Variants in PIDD1 observed in about 807,000 individuals in gnomAD.
PIDD1 encodes the protein p53-induced death domain protein 1, also known as p53-induced death domain-containing protein 1.
In PIDD1, 72 loss-of-function variants were observed where a neutral mutation model predicts 80.0. The ratio of observed to expected loss-of-function variants is 0.90; its 90% CI spans 0.74 to 1.09. PIDD1 has a LOEUF of 1.09. Ranked by LOEUF, PIDD1 falls within the 50% of genes least tolerant of loss-of-function variation. PIDD1 has a pLI of 0.00. For synonymous variants in PIDD1, 655 were observed against 543.5 expected (o/e 1.21, Z -2.85); for missense variants, 1,329 against 1,228.3 (o/e 1.08, Z -1.23).
Position 802,294 on chromosome 11 carries a change from C to T in PIDD1, c.1077G>A (p.Arg359=), listed in dbSNP as rs1865418867. 2 of 1,612,040 alleles carry T rather than the reference C, an allele frequency of 1.2e-6. No homozygotes were observed. Among genetic ancestry groups the T allele is most frequent in the Non-Finnish European group, 1.7e-6 (2 of 1,179,774 alleles). ...ATATPITIRY[R]LLLPEPGLVP... is the part of the protein sequence containing the mutation. ...CGAGGCCTGGCTCCGGCAGCAGCAGCCGATAGCGGATGGTGATGGGGGTGG... is the reference window on the plus strand; with the variant it reads ...CGAGGCCTGGCTCCGGCAGCAGCAGTCGATAGCGGATGGTGATGGGGGTGG... The change falls in exon 6 of 16, where the codon CGG becomes CGA. Residue 359 remains arginine (R), a synonymous_variant. Transcript: ENST00000347755.
chr11:805,617 C>G, upstream of PIDD1: 2 of 985,382 alleles, frequency 2.0e-6, no homozygotes, highest in African/African-American at 3.5e-5. Flanking sequence ...CGCACCCACC[C>G]CTGCTACAAG....
rs979272510 is a variant in PIDD1, at chr11:805,211, C to G, written c.-108G>C. On this transcript the variant is annotated 5_prime_UTR_variant, in exon 1 of 16. Transcript: ENST00000347755. ...GCAGGCGGCGCGCAAAGGGTGGCTG[C>G]TCAGCGGGCGCTCGGCGCCTGGGAT... 10 of 983,452 alleles carry G rather than the reference C, an allele frequency of 1.0e-5. No individual in the cohort carries two copies. The South Asian group carries it at 3.8e-4, about 37-fold the overall frequency. 60.9% of individuals were successfully genotyped at this position (983,452 alleles called of 1,614,324 possible). A position where few individuals can be genotyped will look rare whatever the true frequency, so the allele number is the denominator to read the frequency against.
At chr11:804,574 G>T in intron 1 of PIDD1, 111 bp from the exon 2 acceptor site, 2 of 1,155,226 alleles carry the variant, frequency 1.7e-6, no homozygotes, top group Non-Finnish European at 2.3e-6. Context: ...TCTGGGCCTG[G>T]GCTGCAGAGT....
At chr11:804,579 C>G in intron 1 of PIDD1, 116 bp from the exon 2 acceptor site, 3 of 1,088,676 alleles carry the variant, frequency 2.8e-6, no homozygotes, top group Non-Finnish European at 3.8e-6. Context: ...GCCTGGGCTG[C>G]AGAGTGGGGG....
upstream of PIDD1, among the ~76,000 whole-genome samples, chr11:807,735 C>T (rs556442538): frequency 2.6e-5 from 4 of 152,202 alleles, no homozygotes; most frequent in Non-Finnish European, 4.4e-5. Context: ...CAAGATCACG[C>T]GACTGCACTC....
chr11:805,128 A>G (rs1251897712), intron 1 of PIDD1, 51 bp downstream of exon 1: 1 of 873,490 alleles, frequency 1.1e-6, no homozygotes, highest in Non-Finnish European at 1.4e-6. Flanking sequence ...CAGCCTCCCA[A>G]AAGCAAACGT....
At chr11:803,984 G>A in intron 2 of PIDD1, 110 bp downstream of exon 2, 2 of 1,246,818 alleles carry the variant, frequency 1.6e-6, no homozygotes, top group Non-Finnish European at 2.2e-6. Context: ...GGGGAGCCGG[G>A]AGGGGCGGCC....
upstream of PIDD1, chr11:805,296 C>T (rs60435349): frequency 6.5e-3 from 5,603 of 860,894 alleles, 265 homozygotes; most frequent in African/African-American, 0.1. Context: ...GGCCCCGCCC[C>T]CTCGGGACGC....
chr11:808,806 A>G (rs1444828360), upstream of PIDD1, among the ~76,000 whole-genome samples: 2 of 152,230 alleles, frequency 1.3e-5, no homozygotes, highest in Non-Finnish European at 2.9e-5. Flanking sequence ...TGCCTCATCT[A>G]TAAAATGGGG....
chr11:804,508 T>C, intron 1 of PIDD1, 45 bp from the exon 2 acceptor site: 3 of 1,439,984 alleles, frequency 2.1e-6, no homozygotes, highest in Non-Finnish European at 2.7e-6. Flanking sequence ...GGGTGGGCCC[T>C]TCTCTTTGGG....
rs1343277804 is a variant in PIDD1, at chr11:802,109, G to GT, written c.1177-20dup. The GT allele has an allele frequency of 1.3e-5, 20 of 1,572,538 alleles. No individual in the cohort carries two copies. The highest frequency in any genetic ancestry group is 1.7e-5 in the Non-Finnish European group (20 of 1,159,702). ...CCACATCCTGCCAGACAAGGATGGT[G>GT]TGAGCACTGGAGCCATGCCCGGGCC... On this transcript the variant is annotated intron_variant, in intron 6 of 15. Transcript: ENST00000347755.
rs771773960 is a variant in PIDD1 at position 800,258 on chromosome 11, G to A, written c.2161-14C>T. 56 of 1,611,070 alleles carry A rather than the reference G, an allele frequency of 3.5e-5. No homozygotes were observed. The highest frequency in any genetic ancestry group is 4.0e-5 in the African/African-American group (3 of 74,914). Reference sequence around the variant, plus strand: ...GTAGAAGGACACCTGAAGGGGCATCGAATGGGGTTCGGAGTTCGGTCCTCT... The same window carrying A: ...GTAGAAGGACACCTGAAGGGGCATCAAATGGGGTTCGGAGTTCGGTCCTCT... On this transcript the variant is annotated splice_polypyrimidine_tract_variant and intron_variant, in intron 13 of 15. Coordinates refer to ENST00000347755, the MANE Select transcript of PIDD1 (RefSeq NM_145886.4).
Position 802,325 on chromosome 11 carries a change from GCTCCCGC to G in PIDD1, c.1039_1045del (p.Ala347ProfsTer166), listed in dbSNP as rs759326160. On this transcript the variant is annotated frameshift_variant, in exon 6 of 16. Transcript: ENST00000347755. LOFTEE classifies it high-confidence loss of function. ...GCGGATGGTGATGGGGGTGGCGGTG[GCTCCCGC>G]TGGGAACTGCAGGCGGACGCCACAG... 6.2e-7 allele frequency: 1 copy of G among 1,611,770 alleles called. No homozygotes were observed. Among genetic ancestry groups the G allele is most frequent in the African/African-American group, 1.3e-5 (1 of 75,012 alleles).
intron 1 of PIDD1, chr11:804,770 G>A (rs987774307): frequency 2.7e-5 from 6 of 218,324 alleles, no homozygotes; most frequent in African/African-American, 1.4e-4. Context: ...CCGTGGAGCT[G>A]CGAGGTCATA....
chr11:805,199 AAAGGGTGGCT>A lies in PIDD1; in HGVS notation c.-106_-97del. The stretch of plus-strand genomic sequence containing the variant: ...CGTACCTGCGCTGCAGGCGGCGCGC[AAAGGGTGGCT>A]GCTCAGCGGGCGCTCGGCGCCTGGG... On this transcript the variant is annotated 5_prime_UTR_variant, in exon 1 of 16. Transcript: ENST00000347755. 1 of 982,926 alleles carries A rather than the reference AAAGGGTGGCT, an allele frequency of 1.0e-6. No individual in the cohort carries two copies. The highest frequency in any genetic ancestry group is 4.7e-5 in the South Asian group (1 of 21,258). The allele number at this position is 982,926 out of a possible 1,614,324, so 60.9% of individuals were successfully genotyped here. A position where few individuals can be genotyped will look rare whatever the true frequency, so the allele number is the denominator to read the frequency against.
chr11:803,672 C>G (rs752082264), intron 2 of PIDD1, 85 bp from the exon 3 acceptor site: 4 of 1,487,396 alleles, frequency 2.7e-6, no homozygotes, highest in African/African-American at 2.8e-5. Context: ...AACAGCTGCT[C>G]GAGAGGCACA....
At position 800,564 on chromosome 11, in the gene PIDD1, G is replaced by T; in HGVS notation, c.2020C>A (p.Arg674Ser). ...CTACCAGCATCCACGTCGATGCCGC[G>T]CTCGAAGGCCGCAAAGAACTCTTCG... ...EGEEFFAAFERGIDVDADRPD... is the reference protein window; with the variant it reads ...EGEEFFAAFESGIDVDADRPD... The change falls in exon 12 of 16, where the codon CGC (arginine) becomes AGC (serine). Residue 674 changes from arginine to serine, a missense_variant. Transcript: ENST00000347755. 1 of 1,555,252 alleles carries T rather than the reference G, an allele frequency of 6.4e-7. No homozygotes were observed.
chr11:803,991 G>C, intron 2 of PIDD1, 103 bp downstream of exon 2: 1 of 1,309,716 alleles, frequency 7.6e-7, no homozygotes, highest in African/African-American at 1.5e-5. Flanking sequence ...CGGGAGGGGC[G>C]GCCTGGAGCT....
At chr11:809,149 C>A (rs933276895), upstream of PIDD1, among the ~76,000 whole-genome samples, 2 of 152,252 alleles carry the variant, frequency 1.3e-5, no homozygotes, top group African/African-American at 4.8e-5. Context: ...CTGTTCCCTC[C>A]CAGGACCCGA....
Sources: gnomAD v4.1 joint callset for allele counts (sites outside exome capture counted in the v4.1 genomes callset) on GRCh38, gnomAD v4.1.1 for gene constraint, MANE v1.5 for transcripts, NCBI Gene and HGNC (gene_info 2026-07-23, HGNC 2026-07-21) for gene names.